Variants in MINDY4 observed in about 807,000 individuals in gnomAD.
MINDY4 encodes probable ubiquitin carboxyl-terminal hydrolase MINDY-4.
In MINDY4, 68 loss-of-function variants were observed where a neutral mutation model predicts 87.0. The ratio of observed to expected loss-of-function variants is 0.78; its 90% confidence interval spans 0.64 to 0.96. The LOEUF (loss-of-function observed/expected upper bound fraction) is 0.96, where lower values mean the gene tolerates loss of function less well. Among genes scored for constraint, MINDY4 ranks in the 40% least tolerant of loss-of-function variants. The probability of loss-of-function intolerance (pLI) is 0.00; values close to 1 mark genes in which losing one functional copy is unlikely to be tolerated. For missense variants in MINDY4, 919 were observed against 928.2 expected, an observed-to-expected ratio of 0.99 and a Z score of 0.13; for synonymous variants, 379 against 363.2, an observed-to-expected ratio of 1.04 and a Z score of -0.50.
At chr7:30,872,531 T>C (rs1014733360) in intron 14 of MINDY4, among the ~76,000 whole-genome samples, 2 of 152,238 alleles carry the variant, frequency 1.3e-5, no homozygotes, top group African/African-American at 4.8e-5. Context: ...GACAGCTTTA[T>C]GTGCACTGAT....
chr7:30,795,044 G>A (rs1012658442), intron 5 of MINDY4, among the ~76,000 whole-genome samples: 1 of 152,158 alleles, frequency 6.6e-6, no homozygotes, highest in Admixed American at 6.5e-5. Context: ...CTCCTCAGGG[G>A]CACTTTGTGA....
At chr7:30,863,858 A>G (rs536232687) in intron 13 of MINDY4, among the ~76,000 whole-genome samples, 1 of 152,210 alleles carries the variant, frequency 6.6e-6, no homozygotes, top group Non-Finnish European at 1.5e-5. Flanking sequence ...AATCTCATGC[A>G]GGATTTCATG....
At chr7:30,826,303 G>A (rs1788501482) in intron 5 of MINDY4, among the ~76,000 whole-genome samples, 1 of 152,172 alleles carries the variant, frequency 6.6e-6, no homozygotes, top group East Asian at 1.9e-4. Flanking sequence ...TTACGTATCT[G>A]TGTAATGTGT....
chr7:30,783,909 T>C (rs1017184423), intron 3 of MINDY4, among the ~76,000 whole-genome samples: 2 of 152,196 alleles, frequency 1.3e-5, no homozygotes, highest in African/African-American at 2.4e-5. Context: ...AGAAAATGAA[T>C]TGGCATTCTT....
chr7:30,782,052 A>C lies in MINDY4; in HGVS notation c.259A>C (p.Asn87His). The change falls in exon 3 of 18, where the codon AAC becomes CAC. Residue 87 changes from asparagine (N) to histidine (H), a missense_variant. Physicochemically the swap from Asn to His is moderately conservative, Grantham distance 68. Coordinates refer to ENST00000265299, the MANE Select transcript of MINDY4 (RefSeq NM_032222.3). Reference sequence around the variant, plus strand: ...TCTGGATCACTTTGGAAATACGGCTAACAATTTCACTCAAGATACCCCAAT... The same window carrying C: ...TCTGGATCACTTTGGAAATACGGCTCACAATTTCACTCAAGATACCCCAAT... Reference protein sequence around the residue: ...YFLDHFGNTANNFTQDTPIPA... With the variant: ...YFLDHFGNTAHNFTQDTPIPA... The C allele has an allele frequency of 4.3e-6, 7 of 1,614,182 alleles. No homozygotes were observed. The highest frequency in any genetic ancestry group is 5.9e-6 in the Non-Finnish European group (7 of 1,180,026).
At position 30,882,957 on chromosome 7, in the gene MINDY4, AC is replaced by A. The variant is rs777730687; in HGVS notation, c.2191del (p.Val732SerfsTer17). On this transcript the variant is annotated frameshift_variant, in exon 17 of 18. Transcript: ENST00000265299. LOFTEE classifies it high-confidence loss of function. ...ACCATCTCTGAGGACACAGACAACG[AC>A]CTTGTCCCACCCCTCGAGCTCTGCA... ...TQTISEDTDN[D>X]LVPPLELCIR... is the part of the protein sequence containing the mutation. The A allele has an allele frequency of 3.1e-5, 50 of 1,613,876 alleles. No homozygotes were observed. In the East Asian group the frequency reaches 1.0e-3, roughly 33 times the overall value.
intron 9 of MINDY4, among the ~76,000 whole-genome samples, 161 bp from the exon 10 acceptor site, chr7:30,850,293 G>C (rs1185637528): frequency 6.6e-6 from 1 of 152,222 alleles, no homozygotes; most frequent in Non-Finnish European, 1.5e-5. Context: ...CCTCTTTCCT[G>C]GGCTTTGCCT....
At position 30,875,603 on chromosome 7, in the gene MINDY4, G is replaced by A; in HGVS notation, c.1918G>A (p.Ala640Thr). 1 of 1,614,130 alleles carries A rather than the reference G, an allele frequency of 6.2e-7. No homozygotes were observed. The highest frequency in any genetic ancestry group is 8.5e-7 in the Non-Finnish European group (1 of 1,179,996). ...CATCACACTTCTCAGAGGCATTGCT[G>A]CACGCAGTGATATTGGCTTCTTATC... ...GNITLLRGIA[A>T]RSDIGFLSLF... The change falls in exon 15 of 18, where the codon GCA (alanine) becomes ACA (threonine). Residue 640 changes from alanine (A) to threonine (T), a missense_variant. Coordinates refer to ENST00000265299, the MANE Select transcript of MINDY4 (RefSeq NM_032222.3).
chr7:30,802,501 C>G (rs190724637), intron 5 of MINDY4, among the ~76,000 whole-genome samples: 5 of 152,098 alleles, frequency 3.3e-5, no homozygotes, highest in Admixed American at 3.3e-4. Flanking sequence ...CTTTTTGAGG[C>G]CTGGAATGGG....
At chr7:30,841,966 A>T (rs968424449) in intron 9 of MINDY4, among the ~76,000 whole-genome samples, 5 of 152,206 alleles carry the variant, frequency 3.3e-5, no homozygotes, top group African/African-American at 1.2e-4. Context: ...CCCATTTCCC[A>T]TGCATTCCTG....
intron 2 of MINDY4, among the ~76,000 whole-genome samples, chr7:30,779,331 T>C (rs1786930088): frequency 6.6e-6 from 1 of 152,230 alleles, no homozygotes; most frequent in African/African-American, 2.4e-5. Flanking sequence ...ATTTGTGGAA[T>C]AAATGAATGA....
At chr7:30,855,759 C>T (rs1030603603) in intron 12 of MINDY4, among the ~76,000 whole-genome samples, 2 of 152,236 alleles carry the variant, frequency 1.3e-5, no homozygotes, top group African/African-American at 4.8e-5. Flanking sequence ...GGCGAGGGGG[C>T]CTCCTTTCAG....
chr7:30,839,444 T>C, intron 8 of MINDY4, 128 bp downstream of exon 8: 1 of 568,714 alleles, frequency 1.8e-6, no homozygotes, highest in South Asian at 3.1e-5. Context: ...CAGCCCCACA[T>C]GTGCTGAGTT....
chr7:30,800,562 G>A (rs1463623138), intron 5 of MINDY4, among the ~76,000 whole-genome samples: 1 of 152,158 alleles, frequency 6.6e-6, no homozygotes, highest in South Asian at 2.1e-4. Context: ...GTGTAATTGG[G>A]TGCTAAATTG....
At chr7:30,841,685 A>C (rs190928981) in intron 9 of MINDY4, among the ~76,000 whole-genome samples, 1 of 152,222 alleles carries the variant, frequency 6.6e-6, no homozygotes, top group Non-Finnish European at 1.5e-5. Context: ...TAGTTATACT[A>C]TGTGTGTTCT....
intron 15 of MINDY4, among the ~76,000 whole-genome samples, chr7:30,876,261 A>T (rs1790254501): frequency 6.6e-6 from 1 of 152,082 alleles, no homozygotes; most frequent in African/African-American, 2.4e-5. Flanking sequence ...CCATCATCAC[A>T]GGGCCACCTT....
At chr7:30,840,284 G>A (rs1788991158) in intron 8 of MINDY4, among the ~76,000 whole-genome samples, 1 of 152,210 alleles carries the variant, frequency 6.6e-6, no homozygotes, top group Admixed American at 6.5e-5. Context: ...CAGGCCACAA[G>A]TGGGGCAGAA....
At chr7:30,772,731 T>C (rs977971469) in intron 1 of MINDY4, among the ~76,000 whole-genome samples, 1 of 152,186 alleles carries the variant, frequency 6.6e-6, no homozygotes, top group Admixed American at 6.5e-5. Flanking sequence ...GCCCTGTCTT[T>C]ATGGCTAATT....
intron 13 of MINDY4, among the ~76,000 whole-genome samples, chr7:30,869,218 T>G (rs1254062280): frequency 1.3e-5 from 2 of 152,092 alleles, no homozygotes; most frequent in African/African-American, 4.8e-5. Flanking sequence ...AAGTCAGTCT[T>G]TGGTAAGGGA....
Sources: allele counts gnomAD v4.1 joint callset (sites outside exome capture counted in the v4.1 genomes callset), GRCh38; gene constraint gnomAD v4.1.1; transcripts MANE v1.5; gene names NCBI Gene and HGNC (gene_info 2026-07-23, HGNC 2026-07-21).